The following CEP350 variants were observed in gnomAD, a reference collection of about 807,000 sequenced individuals.
CEP350 encodes the protein centrosomal protein 350.
A neutral mutation model predicts 331.8 loss-of-function variants in CEP350; 126 were observed. The observed-to-expected ratio is 0.38, with a 90% CI of 0.33 to 0.44. The LOEUF (loss-of-function observed/expected upper bound fraction) is 0.44, where lower values mean the gene tolerates loss of function less well. Ranked by LOEUF, CEP350 falls within the 20% of genes least tolerant of loss-of-function variation. The pLI is 1.00. For missense variants in CEP350, 3,406 were observed against 3,634.6 expected (o/e 0.94, Z 1.62); for synonymous variants, 1,200 against 1,259.5 (o/e 0.95, Z 1.00).
intron 1 of CEP350, among the ~76,000 whole-genome samples, chr1:179,977,767 C>T (rs979978448): frequency 3.3e-5 from 5 of 152,152 alleles, no homozygotes; most frequent in African/African-American, 1.2e-4. Flanking sequence ...CCTTAGTTTA[C>T]TGTAACTTTT....
intron 6 of CEP350, among the ~76,000 whole-genome samples, chr1:180,001,558 C>T (rs1363633037): frequency 6.6e-6 from 1 of 152,134 alleles, no homozygotes; most frequent in Non-Finnish European, 1.5e-5. Flanking sequence ...CGTGCCCGGC[C>T]AAAGAGTAGG....
chr1:180,006,647 G>A, intron 8 of CEP350, 80 bp downstream of exon 8: 2 of 732,524 alleles, frequency 2.7e-6, no homozygotes, highest in African/African-American at 1.8e-5. Context: ...TGGGATACAT[G>A]TGCAGAACGT....
intron 6 of CEP350, among the ~76,000 whole-genome samples, chr1:179,997,457 G>T (rs1205049858): frequency 6.6e-6 from 1 of 151,492 alleles, no homozygotes; most frequent in Non-Finnish European, 1.5e-5. Context: ...GCAGGAGAAT[G>T]GTGTGAACCC....
chr1:180,018,534 A>C (rs1178370604), intron 11 of CEP350, among the ~76,000 whole-genome samples: 2 of 152,184 alleles, frequency 1.3e-5, no homozygotes, highest in Non-Finnish European at 2.9e-5. Flanking sequence ...GTAATAGCCT[A>C]TATTCTAAGG....
chr1:180,019,410 A>T (rs916387435), intron 11 of CEP350, among the ~76,000 whole-genome samples: 2 of 152,210 alleles, frequency 1.3e-5, no homozygotes, highest in African/African-American at 4.8e-5. Context: ...ACAAGTATTA[A>T]TAGGTTATAA....
At position 180,014,054 on chromosome 1, in the gene CEP350, A is replaced by G. The variant is rs766146736; in HGVS notation, c.1601A>G (p.Asp534Gly). 3 of 1,612,478 alleles carry G rather than the reference A, an allele frequency of 1.9e-6. No homozygotes were observed. In the South Asian group the frequency reaches 3.3e-5, roughly 18 times the overall value. Reference sequence around the variant, plus strand: ...ATTGAAATTCGTGGCATTCTTGATGACCTACAGCTGGATTCTACAGCTCAC... The same window carrying G: ...ATTGAAATTCGTGGCATTCTTGATGGCCTACAGCTGGATTCTACAGCTCAC... ...LPIEIRGILD[D>G]LQLDSTAHTA... The change falls in exon 10 of 38, where the codon GAC becomes GGC. Residue 534 changes from aspartate (D) to glycine (G), a missense_variant. Around this residue, in one of 5 missense-constraint regions of CEP350, gnomAD observed 1,857 missense variants for 1,909.2 expected, o/e 0.97. Transcript: ENST00000367607.
intron 21 of CEP350, among the ~76,000 whole-genome samples, chr1:180,044,569 T>C (rs1656989700): frequency 1.3e-5 from 2 of 148,692 alleles, no homozygotes; most frequent in African/African-American, 5.0e-5. Flanking sequence ...CAGCAAACTA[T>C]CACAAGGACA....
At chr1:180,094,692 G>A (rs1660380266) in intron 34 of CEP350, 76 bp downstream of exon 34, 6 of 1,441,062 alleles carry the variant, frequency 4.2e-6, no homozygotes, top group African/African-American at 1.4e-5. Context: ...TGCCTATATA[G>A]TACATTTTAA....
At chr1:179,966,057 G>A (rs1223433884) in intron 1 of CEP350, among the ~76,000 whole-genome samples, 2 of 152,156 alleles carry the variant, frequency 1.3e-5, no homozygotes, top group African/African-American at 4.8e-5. Context: ...TCTGAAAAAG[G>A]AGGAAGCTTA....
chr1:180,077,347 A>G (rs567895259), intron 28 of CEP350, among the ~76,000 whole-genome samples: 1 of 149,968 alleles, frequency 6.7e-6, no homozygotes, highest in African/African-American at 2.4e-5. Flanking sequence ...AGATCTTTAT[A>G]TAGAAAAATT....
At chr1:180,071,146 C>CAAAA (rs57487170) in intron 27 of CEP350, among the ~76,000 whole-genome samples, 1 of 63,240 alleles carries the variant, frequency 1.6e-5, no homozygotes, top group African/African-American at 5.9e-5. Flanking sequence ...GACTCCATCT[C>CAAAA]AAAAAAAAAA....
chr1:179,999,033 A>G (rs1018123483), intron 6 of CEP350, among the ~76,000 whole-genome samples: 1 of 152,152 alleles, frequency 6.6e-6, no homozygotes, highest in Non-Finnish European at 1.5e-5. Flanking sequence ...GGCACAGCAC[A>G]TAGCAAATGG....
chr1:180,090,120 A>G (rs3930305), intron 32 of CEP350, among the ~76,000 whole-genome samples: 86,457 of 152,000 alleles, frequency 0.57, 26,419 homozygotes, highest in East Asian at 0.72. Flanking sequence ...GAGGAAAGGC[A>G]GTTAGGATGG....
chr1:180,104,578 A>G (rs937910682), intron 37 of CEP350, among the ~76,000 whole-genome samples: 1 of 152,142 alleles, frequency 6.6e-6, no homozygotes, highest in Non-Finnish European at 1.5e-5. Context: ...AACAGCTTGT[A>G]AGTGTCCAGT....
intron 7 of CEP350, among the ~76,000 whole-genome samples, chr1:180,004,024 C>A (rs1173105189): frequency 6.6e-6 from 1 of 152,142 alleles, no homozygotes; most frequent in Non-Finnish European, 1.5e-5. Context: ...TATTATTATA[C>A]AACACTCTAT....
chr1:180,081,008 C>T (rs1043820621), intron 30 of CEP350, among the ~76,000 whole-genome samples: 4 of 151,528 alleles, frequency 2.6e-5, no homozygotes, highest in Non-Finnish European at 4.4e-5. Context: ...TACAGGCACC[C>T]GCCACCACGC....
chr1:180,019,217 T>G (rs1655165507), intron 11 of CEP350, among the ~76,000 whole-genome samples: 1 of 152,314 alleles, frequency 6.6e-6, no homozygotes, highest in South Asian at 2.1e-4. Context: ...GTAGTATCCC[T>G]TAATATAGAG....
At position 180,084,138 on chromosome 1, in the gene CEP350, G is replaced by A; in HGVS notation, c.6245G>A (p.Arg2082Lys). The A allele has an allele frequency of 6.3e-7, 1 of 1,587,076 alleles. No homozygotes were observed. The highest frequency in any genetic ancestry group is 8.6e-7 in the Non-Finnish European group (1 of 1,166,200). The change falls in exon 31 of 38, where the codon AGA becomes AAA. Residue 2082 changes from arginine to lysine, a missense_variant. Coordinates refer to ENST00000367607, the MANE Select transcript of CEP350 (RefSeq NM_014810.5). ...GAACAGAAAAAAAGGCAAAAGGAAA[G>A]ACTGAAAGCCCAAGAAGCCAGTCTG... ...KKEQKKRQKE[R>K]LKAQEASLIK... is the part of the protein sequence containing the mutation.
At position 179,987,260 on chromosome 1, in the gene CEP350, G is replaced by T; in HGVS notation, c.94G>T (p.Asp32Tyr). Residue 32 changes from aspartate to tyrosine, a missense_variant, in exon 3 of 38, where the codon GAT becomes TAT. By Grantham distance (160) the Asp-to-Tyr change is radical. Coordinates refer to ENST00000367607, the MANE Select transcript of CEP350 (RefSeq NM_014810.5). ...TVQADITTSW[D>Y]ALSQTKAALR... ...CCCAGCAGATATAACCACATCGTGG[G>T]ATGCACTTTCTCAAACCAAGGCTGC... The T allele has an allele frequency of 6.4e-7, 1 of 1,565,490 alleles. No homozygotes were observed. Among genetic ancestry groups the T allele is most frequent in the South Asian group, 1.1e-5 (1 of 87,514 alleles).
Sources: gnomAD v4.1 joint callset for allele counts (sites outside exome capture counted in the v4.1 genomes callset) on GRCh38, gnomAD v4.1.1 for gene constraint, gnomAD v4.1.1 regional missense constraint, MANE v1.5 for transcripts, NCBI Gene and HGNC (gene_info 2026-07-23, HGNC 2026-07-21) for gene names.